Variants in CWC22 observed in about 807,000 individuals in gnomAD.
CWC22 encodes CWC22 spliceosome associated protein.
In CWC22, 53 loss-of-function variants were observed where a neutral mutation model predicts 117.2. The ratio of observed to expected loss-of-function variants is 0.45; its 90% CI spans 0.36 to 0.57. The LOEUF is 0.57. Ranked by LOEUF, CWC22 falls within the 20% of genes least tolerant of loss-of-function variation. The pLI is 0.00. For synonymous variants in CWC22, 360 were observed against 355.6 expected, an observed-to-expected ratio of 1.01 and a Z score of -0.14; for missense variants, 980 against 1,068.8, an observed-to-expected ratio of 0.92 and a Z score of 1.16.
At chr2:179,990,511 T>C (rs1470936965) in intron 2 of CWC22, among the ~76,000 whole-genome samples, 1 of 150,154 alleles carries the variant, frequency 6.7e-6, no homozygotes, top group Non-Finnish European at 1.5e-5. Flanking sequence ...TTAGATTATA[T>C]GTTCCCCAGA....
chr2:179,971,850 C>T (rs1687043329), intron 8 of CWC22, among the ~76,000 whole-genome samples: 1 of 152,168 alleles, frequency 6.6e-6, no homozygotes, highest in South Asian at 2.1e-4. Context: ...CAGGAGATAT[C>T]TTCTTCCAGC....
Position 179,988,471 on chromosome 2 carries a change from T to G in CWC22, c.95+106A>C, listed in dbSNP as rs921809108. ...CAAGTAATATTGGTTATAAAACCAT[T>G]AAAAAGAAGTTATCCACCCTAAAAT... On this transcript the variant is annotated intron_variant, in intron 3 of 19. Transcript: ENST00000410053. 19 of 635,950 alleles carry G rather than the reference T, an allele frequency of 3.0e-5. No homozygotes were observed. In the African/African-American group the frequency reaches 3.3e-4, roughly 11 times the overall value. 39.4% of individuals were successfully genotyped at this position (635,950 alleles called of 1,614,324 possible).
chr2:179,999,001 TATC>T (rs1295491915), intron 1 of CWC22, among the ~76,000 whole-genome samples: 2 of 152,172 alleles, frequency 1.3e-5, no homozygotes, highest in African/African-American at 4.8e-5. Context: ...TTCTGATCGA[TATC>T]ATCTTTCCCC....
At chr2:179,998,817 C>T (rs539447342) in intron 1 of CWC22, among the ~76,000 whole-genome samples, 13 of 152,190 alleles carry the variant, frequency 8.5e-5, no homozygotes, top group South Asian at 4.1e-4. Context: ...AATAAAAAAT[C>T]ACTTGACCCC....
At chr2:179,965,168 A>T (rs902082176) in intron 12 of CWC22, among the ~76,000 whole-genome samples, 7 of 152,306 alleles carry the variant, frequency 4.6e-5, no homozygotes, top group Middle Eastern at 3.4e-3. Flanking sequence ...TAATTTTAAT[A>T]AAAAAAGTTG....
chr2:179,968,839 TACAGGCATGAGCCACCATGCCCG>T (rs1686959633), intron 11 of CWC22, among the ~76,000 whole-genome samples: 1 of 152,176 alleles, frequency 6.6e-6, no homozygotes, highest in African/African-American at 2.4e-5. Context: ...ATGCTGGAAT[TACAGGCATGAGCCACCATGCCCG>T]GCCCGTAAAA....
intron 11 of CWC22, among the ~76,000 whole-genome samples, chr2:179,966,603 T>C (rs112757185): frequency 6.6e-5 from 10 of 152,316 alleles, no homozygotes; most frequent in African/African-American, 1.9e-4. Flanking sequence ...CTGTATTAGA[T>C]GATCACTTTT....
intron 1 of CWC22, among the ~76,000 whole-genome samples, chr2:180,000,482 A>G (rs1162516403): frequency 6.6e-6 from 1 of 152,156 alleles, no homozygotes; most frequent in Non-Finnish European, 1.5e-5. Context: ...AAAAGGGGGG[A>G]TTACTTAATA....
Position 179,980,965 on chromosome 2 carries a change from T to C in CWC22, c.452+787A>G, listed in dbSNP as rs74487441. Among the ~76,000 whole-genome samples the C allele has an allele frequency of 2.6e-3, 402 of 152,338 alleles. 10 individuals are homozygous for C. In the East Asian group the frequency reaches 0.049, roughly 18 times the overall value. On this transcript the variant is annotated intron_variant, in intron 5 of 19. Transcript: ENST00000410053. Reference sequence around the variant, plus strand: ...AAAAACTTAGCTGTACTTTCCTAAATAGCTCCTCACCATCTCAATTATTCT... The same window carrying C: ...AAAAACTTAGCTGTACTTTCCTAAACAGCTCCTCACCATCTCAATTATTCT...
chr2:179,996,815 TAA>T (rs1478671612), intron 1 of CWC22, among the ~76,000 whole-genome samples: 3 of 120,616 alleles, frequency 2.5e-5, no homozygotes, highest in Non-Finnish European at 3.5e-5. Context: ...AAACAATTTT[TAA>T]AAGTGTTAAA....
chr2:179,986,806 C>A lies in CWC22; in HGVS notation c.96-1G>T. 1 of 1,529,610 alleles carries A rather than the reference C, an allele frequency of 6.5e-7. No individual in the cohort carries two copies. The highest frequency in any genetic ancestry group is 8.8e-7 in the Non-Finnish European group (1 of 1,130,724). The allele number at this position is 1,529,610 out of a possible 1,614,324, so 94.8% of individuals were successfully genotyped here. A position where few individuals can be genotyped will look rare whatever the true frequency, so the allele number is the denominator to read the frequency against. On this transcript the variant is annotated splice_acceptor_variant, in intron 3 of 19. Coordinates refer to ENST00000410053, the MANE Select transcript of CWC22 (RefSeq NM_020943.3). LOFTEE classifies it high-confidence loss of function. ...GGGGGATCGTTCTTGTTCTTCATATCTAACATAAAATAAGAAAACCAAGTT... is the reference window on the plus strand; with the variant it reads ...GGGGGATCGTTCTTGTTCTTCATATATAACATAAAATAAGAAAACCAAGTT...
intron 1 of CWC22, among the ~76,000 whole-genome samples, chr2:180,004,317 CT>C (rs1285797651): frequency 6.6e-6 from 1 of 152,178 alleles, no homozygotes; most frequent in Non-Finnish European, 1.5e-5. Flanking sequence ...TTTGGGTGGT[CT>C]CAGGTACAAG....
chr2:179,945,117 C>A lies in CWC22; in HGVS notation c.*12G>T, dbSNP rs776538518. 2 of 1,567,658 alleles carry A rather than the reference C, an allele frequency of 1.3e-6. No homozygotes were observed. Among genetic ancestry groups the A allele is most frequent in the South Asian group, 1.2e-5 (1 of 83,622 alleles). Reference sequence around the variant, plus strand: ...AATATAAGGCATGTCCAGTTTATGTCATTTTGTAGAATTATTTTTGTTTTG... The same window carrying A: ...AATATAAGGCATGTCCAGTTTATGTAATTTTGTAGAATTATTTTTGTTTTG... On this transcript the variant is annotated 3_prime_UTR_variant, in exon 20 of 20. Transcript: ENST00000410053.
intron 5 of CWC22, among the ~76,000 whole-genome samples, chr2:179,979,600 C>T (rs916028982): frequency 5.3e-5 from 8 of 152,114 alleles, no homozygotes; most frequent in African/African-American, 1.7e-4. Flanking sequence ...TATTGTATCA[C>T]TGATATTGTT....
intron 11 of CWC22, among the ~76,000 whole-genome samples, chr2:179,969,089 A>G (rs936803306): frequency 6.6e-6 from 1 of 152,190 alleles, no homozygotes; most frequent in Non-Finnish European, 1.5e-5. Context: ...AACTGCTATA[A>G]TAAAAGAAAG....
intron 1 of CWC22, among the ~76,000 whole-genome samples, chr2:180,005,722 G>A (rs1255640886): frequency 1.3e-5 from 2 of 152,118 alleles, no homozygotes; most frequent in Non-Finnish European, 2.9e-5. Flanking sequence ...ATAATACAAC[G>A]CTAACGCTGT....
intron 11 of CWC22, among the ~76,000 whole-genome samples, chr2:179,969,674 T>C (rs901230639): frequency 6.6e-6 from 1 of 152,200 alleles, no homozygotes; most frequent in Non-Finnish European, 1.5e-5. Flanking sequence ...CAGAGAGCTT[T>C]TAATACAAAC....
At chr2:179,962,756 A>C (rs1224505898) in intron 13 of CWC22, among the ~76,000 whole-genome samples, 1 of 152,128 alleles carries the variant, frequency 6.6e-6, no homozygotes, top group Non-Finnish European at 1.5e-5. Context: ...CCCTTGATTC[A>C]CATTACGTAG....
chr2:179,978,343 G>T (rs1575650548), intron 5 of CWC22, 25 bp from the exon 6 acceptor site: 1 of 1,423,270 alleles, frequency 7.0e-7, no homozygotes, highest in Non-Finnish European at 9.2e-7. Context: ...TTTTAATAAA[G>T]ATTAAAACTT....
Sources: gnomAD v4.1 joint callset for allele counts (sites outside exome capture counted in the v4.1 genomes callset) on GRCh38, gnomAD v4.1.1 for gene constraint, MANE v1.5 for transcripts, NCBI Gene and HGNC (gene_info 2026-07-23, HGNC 2026-07-21) for gene names.